VTI1A: variants seen among roughly 807,000 people sequenced by gnomAD.
The protein encoded by VTI1A is vesicle transport through interaction with t-SNAREs 1A.
A neutral mutation model predicts 34.9 loss-of-function variants in VTI1A; 22 were observed. That is an observed-to-expected ratio of 0.63 (90% CI 0.45 to 0.90). The LOEUF is 0.90. Among genes scored for constraint, VTI1A ranks in the 40% least tolerant of loss-of-function variants. The probability of loss-of-function intolerance (pLI) is 0.00; values close to 1 mark genes in which losing one functional copy is unlikely to be tolerated. For synonymous variants in VTI1A, 87 were observed against 97.3 expected (o/e 0.89, Z 0.62); for missense variants, 268 against 275.6 (o/e 0.97, Z 0.20).
chr10:112,815,367 C>G lies in VTI1A; in HGVS notation c.638C>G (p.Ser213Cys). 6.2e-7 allele frequency: 1 copy of G among 1,613,944 alleles called. No individual in the cohort carries two copies. The change falls in exon 8 of 8, where the codon TCT becomes TGT. Residue 213 changes from serine to cysteine, a missense_variant. Coordinates refer to ENST00000393077, the MANE Select transcript of VTI1A (RefSeq NM_145206.4). ...VITILMAITF[S>C]VRRH ...ACCATCCTGATGGCGATCACTTTTTCTGTCAGAAGACACTGATGTATCTGC... is the reference window on the plus strand; with the variant it reads ...ACCATCCTGATGGCGATCACTTTTTGTGTCAGAAGACACTGATGTATCTGC...
At chr10:112,495,993 G>A (rs1362967634) in intron 3 of VTI1A, among the ~76,000 whole-genome samples, 1 of 152,218 alleles carries the variant, frequency 6.6e-6, no homozygotes, top group Non-Finnish European at 1.5e-5. Context: ...TTGTCAGCAT[G>A]ATGGTCACCG....
intron 5 of VTI1A, among the ~76,000 whole-genome samples, chr10:112,599,355 C>A (rs1373201679): frequency 6.6e-6 from 1 of 152,102 alleles, no homozygotes; most frequent in African/African-American, 2.4e-5. Flanking sequence ...ATTGGACAGA[C>A]CTGCTTTTAT....
intron 7 of VTI1A, among the ~76,000 whole-genome samples, chr10:112,786,589 C>A: frequency 6.6e-6 from 1 of 152,170 alleles, no homozygotes. Context: ...CATAGATGCT[C>A]TTTATTGAGT....
At position 112,521,987 on chromosome 10, in the gene VTI1A, A is replaced by C. The variant is rs574087692; in HGVS notation, c.265-5100A>C. 5.1e-4 allele frequency among the ~76,000 whole-genome samples: 78 copies of C among 152,128 alleles called. 1 individual carries two copies. Among genetic ancestry groups the C allele is most frequent in the Non-Finnish European group, 6.8e-4 (46 of 67,956 alleles). ...CTAAAAATGGAACACTTGGTGCCAA[A>C]GATAGATGCATTTTAGAAAATGCCA... On this transcript the variant is annotated intron_variant, in intron 3 of 7. Coordinates refer to ENST00000393077, the MANE Select transcript of VTI1A (RefSeq NM_145206.4).
chr10:112,534,681 T>C (rs1246053775), intron 4 of VTI1A, among the ~76,000 whole-genome samples: 1 of 152,148 alleles, frequency 6.6e-6, no homozygotes, highest in Non-Finnish European at 1.5e-5. Flanking sequence ...TCCAACCTTT[T>C]TGTGTTTTTT....
chr10:112,763,461 A>G (rs906161855), intron 7 of VTI1A, among the ~76,000 whole-genome samples: 7 of 149,046 alleles, frequency 4.7e-5, no homozygotes, highest in African/African-American at 1.7e-4. Flanking sequence ...AAAAGGTACC[A>G]CTGGCCTTTG....
At position 112,569,549 on chromosome 10, in the gene VTI1A, C is replaced by G. The variant is rs750943339; in HGVS notation, c.427+31219C>G. The stretch of plus-strand genomic sequence containing the variant: ...CTGAAGACAGAGGTTGGCTTTTGCC[C>G]TCAACATGGAGCCAACTGCCAAAGC... On this transcript the variant is annotated intron_variant, in intron 5 of 7. Coordinates refer to ENST00000393077, the MANE Select transcript of VTI1A (RefSeq NM_145206.4). Among the ~76,000 whole-genome samples, 18 of 152,176 alleles carry G rather than the reference C, an allele frequency of 1.2e-4. 1 individual carries two copies. The highest frequency in any genetic ancestry group is 2.5e-4 in the Non-Finnish European group (17 of 68,038).
chr10:112,539,524 G>T (rs74158732), intron 5 of VTI1A, among the ~76,000 whole-genome samples: 6,153 of 152,172 alleles, frequency 0.04, 422 homozygotes, highest in African/African-American at 0.14. Flanking sequence ...CTTTCTGCCC[G>T]GATTGGAATA....
intron 7 of VTI1A, among the ~76,000 whole-genome samples, chr10:112,791,608 T>C (rs141549560): frequency 0.022 from 3,321 of 152,256 alleles, 57 homozygotes; most frequent in Middle Eastern, 0.061. Flanking sequence ...AGAAAACCAG[T>C]GAGAATGTTA....
chr10:112,603,298 C>G (rs1844947810), intron 5 of VTI1A, among the ~76,000 whole-genome samples: 1 of 152,122 alleles, frequency 6.6e-6, no homozygotes, highest in African/African-American at 2.4e-5. Context: ...AGAGCCTGTT[C>G]CCTTCAAGAA....
intron 5 of VTI1A, among the ~76,000 whole-genome samples, chr10:112,629,930 T>C (rs1398880786): frequency 6.6e-6 from 1 of 152,230 alleles, no homozygotes; most frequent in Non-Finnish European, 1.5e-5. Flanking sequence ...ACTGGATTTT[T>C]TTAAACGAAG....
chr10:112,665,893 T>G (rs965170535), intron 5 of VTI1A, among the ~76,000 whole-genome samples: 3 of 152,208 alleles, frequency 2.0e-5, no homozygotes, highest in Non-Finnish European at 4.4e-5. Context: ...TCCTCTTCAT[T>G]TTAGATTACA....
intron 7 of VTI1A, among the ~76,000 whole-genome samples, chr10:112,701,895 G>A (rs956585847): frequency 6.6e-6 from 1 of 152,156 alleles, no homozygotes; most frequent in Admixed American, 6.6e-5. Flanking sequence ...TACATCTAGT[G>A]AGTTACAAAT....
chr10:112,769,545 G>T (rs1851741177), intron 7 of VTI1A, among the ~76,000 whole-genome samples: 1 of 152,204 alleles, frequency 6.6e-6, no homozygotes. Context: ...ATGCCTGGGT[G>T]CACCACCCCT....
chr10:112,507,509 A>G (rs1449686102), intron 3 of VTI1A, among the ~76,000 whole-genome samples: 2 of 152,166 alleles, frequency 1.3e-5, no homozygotes, highest in East Asian at 3.9e-4. Context: ...GGTGGCTGAA[A>G]TGCCAGAATG....
At chr10:112,819,347 A>C (rs766085873), downstream of VTI1A, among the ~76,000 whole-genome samples, 10 of 152,172 alleles carry the variant, frequency 6.6e-5, no homozygotes, top group Non-Finnish European at 1.3e-4. Flanking sequence ...GGGGAAGTTC[A>C]GAGCCAAGTT....
At chr10:112,480,794 A>G (rs1350645891) in intron 3 of VTI1A, among the ~76,000 whole-genome samples, 3 of 152,172 alleles carry the variant, frequency 2.0e-5, no homozygotes, top group East Asian at 1.9e-4. Flanking sequence ...TTTGCTATAC[A>G]TTAGAATCTG....
chr10:112,500,446 A>C (rs564148065), intron 3 of VTI1A, among the ~76,000 whole-genome samples: 3 of 152,302 alleles, frequency 2.0e-5, no homozygotes, highest in African/African-American at 7.2e-5. Context: ...AAAGAAAAAA[A>C]AGAAAAGAAA....
At chr10:112,795,557 C>G (rs1852645728) in intron 7 of VTI1A, among the ~76,000 whole-genome samples, 1 of 151,488 alleles carries the variant, frequency 6.6e-6, no homozygotes. Context: ...GCCTCAGCTT[C>G]CCAAGTAGCT....
Sources: allele counts gnomAD v4.1 joint callset (sites outside exome capture counted in the v4.1 genomes callset), GRCh38; gene constraint gnomAD v4.1.1; transcripts MANE v1.5; gene names NCBI Gene and HGNC (gene_info 2026-07-23, HGNC 2026-07-21).